The following PDE4A variants were observed in gnomAD, a reference collection of about 807,000 sequenced individuals.
PDE4A encodes the protein 3',5'-cyclic-AMP phosphodiesterase 4A.
A neutral mutation model predicts 73.9 loss-of-function variants in PDE4A; 21 were observed. The ratio of observed to expected loss-of-function variants is 0.28; its 90% CI spans 0.20 to 0.41. PDE4A has a LOEUF of 0.41. Among genes scored for constraint, PDE4A ranks in the 10% least tolerant of loss-of-function variants. The pLI is 1.00. For missense variants in PDE4A, 958 were observed against 1,211.4 expected (o/e 0.79, Z 3.10); for synonymous variants, 463 against 505.4 (o/e 0.92, Z 1.13).
intron 1 of PDE4A, among the ~76,000 whole-genome samples, chr19:10,431,655 G>A (rs886167094): frequency 2.6e-5 from 4 of 152,212 alleles, no homozygotes; most frequent in African/African-American, 9.6e-5. Flanking sequence ...CTGGCCCTGG[G>A]GGCTTCTCCG....
At chr19:10,452,219 C>T (rs1339526575) in intron 6 of PDE4A, among the ~76,000 whole-genome samples, 1 of 151,842 alleles carries the variant, frequency 6.6e-6, no homozygotes, top group East Asian at 1.9e-4. Context: ...GCGGGCGGAT[C>T]ACCTGAGGTC....
At chr19:10,461,708 G>A (rs2043274907) in intron 12 of PDE4A, 28 bp downstream of exon 12, 1 of 1,610,958 alleles carries the variant, frequency 6.2e-7, no homozygotes, top group Non-Finnish European at 8.5e-7. Flanking sequence ...GGGACGGAGC[G>A]GGAAAGGAAG....
rs1382744797 is a variant in PDE4A at position 10,420,679 on chromosome 19, C to T, written c.-86C>T. 3 of 1,381,912 alleles carry T rather than the reference C, an allele frequency of 2.2e-6. No individual in the cohort carries two copies. Among genetic ancestry groups the T allele is most frequent in the Admixed American group, 7.6e-5 (2 of 26,192 alleles). The allele number at this position is 1,381,912 out of a possible 1,614,324, so 85.6% of individuals were successfully genotyped here. On this transcript the variant is annotated 5_prime_UTR_variant, in exon 1 of 15. Coordinates refer to ENST00000380702, the MANE Select transcript of PDE4A (RefSeq NM_001111307.2). This position sits in a 1 kb window ranked among gnomAD's most constrained non-coding sequence, Gnocchi z 6.0. Reference sequence around the variant, plus strand: ...CCGCGGCCGGGCGCACCCGCGGGGCCCTGGGCTCGCTGGCTTGCGCGCAGC... The same window carrying T: ...CCGCGGCCGGGCGCACCCGCGGGGCTCTGGGCTCGCTGGCTTGCGCGCAGC...
At chr19:10,432,334 C>T (rs1233553061) in intron 1 of PDE4A, 16 of 1,271,238 alleles carry the variant, frequency 1.3e-5, no homozygotes, top group South Asian at 2.7e-5. Flanking sequence ...GAGGCGGTGC[C>T]GGCAGTGGAG....
At chr19:10,461,191 G>C in intron 11 of PDE4A, 88 bp downstream of exon 11, 1 of 1,511,208 alleles carries the variant, frequency 6.6e-7, no homozygotes, top group South Asian at 1.2e-5. Context: ...CTGGAGGAGG[G>C]GCTGGCTGGC....
Position 10,454,846 on chromosome 19 carries a change from C to A in PDE4A, c.801C>A (p.Asn267Lys). The A allele has an allele frequency of 6.2e-7, 1 of 1,614,110 alleles. No individual in the cohort carries two copies. Among genetic ancestry groups the A allele is most frequent in the Non-Finnish European group, 8.5e-7 (1 of 1,179,982 alleles). Residue 267 changes from asparagine (N) to lysine (K), a missense_variant, in exon 7 of 15, where the codon AAC becomes AAA. Physicochemically the swap from Asn to Lys is moderately conservative, Grantham distance 94 (BLOSUM62 0). This residue lies in a region of PDE4A where 570 missense variants were observed against 827.7 expected (regional missense o/e 0.69). Coordinates refer to ENST00000380702, the MANE Select transcript of PDE4A (RefSeq NM_001111307.2). ...TACCTTAGTTCAAAAGGATGTTGAA[C>A]CGTGAGCTCACACACCTGTCAGAAA... ...MASHKFKRML[N>K]RELTHLSEMS...
chr19:10,453,176 G>C lies in PDE4A; in HGVS notation c.784-1653G>C. 8 of 1,471,674 alleles carry C rather than the reference G, an allele frequency of 5.4e-6. No individual in the cohort carries two copies. The highest frequency in any genetic ancestry group is 7.2e-6 in the Non-Finnish European group (8 of 1,107,554). The allele number at this position is 1,471,674 out of a possible 1,614,324, so 91.2% of individuals were successfully genotyped here. A position where few individuals can be genotyped will look rare whatever the true frequency, so the allele number is the denominator to read the frequency against. ...TCCCCCTTCCACTACCCACCTGCCCGGCACCCCCTCCCCAGTGGTTGTTAA... is the reference window on the plus strand; with the variant it reads ...TCCCCCTTCCACTACCCACCTGCCCCGCACCCCCTCCCCAGTGGTTGTTAA... On this transcript the variant is annotated intron_variant, in intron 6 of 14. Transcript: ENST00000380702. The surrounding 1 kb of genome is among the most constrained non-coding windows in gnomAD (Gnocchi z 4.6).
In PDE4A at chr19:10,432,186, G is replaced by T. The variant is rs933204801; in HGVS notation, c.320+11102G>T. Among the ~76,000 whole-genome samples, 3 of 142,524 alleles carry T rather than the reference G, an allele frequency of 2.1e-5. 1 individual carries two copies. The highest frequency in any genetic ancestry group is 4.8e-5 in the Non-Finnish European group (3 of 63,072). 93.5% of individuals were successfully genotyped at this position (142,524 alleles called of 152,430 possible). ...CTAGGAGGGAGGAGACGGGGGGGGGGGGGGGAAGTGTGCGTCCGACTCCGC... is the reference window on the plus strand; with the variant it reads ...CTAGGAGGGAGGAGACGGGGGGGGGTGGGGGAAGTGTGCGTCCGACTCCGC... On this transcript the variant is annotated intron_variant, in intron 1 of 14. Transcript: ENST00000380702.
chr19:10,463,669 G>C (rs1014523370), intron 13 of PDE4A, 124 bp from the exon 14 acceptor site: 2 of 1,506,180 alleles, frequency 1.3e-6, no homozygotes, highest in Non-Finnish European at 1.8e-6. Context: ...CCAAAGTACT[G>C]GAATTACAGG....
intron 7 of PDE4A, among the ~76,000 whole-genome samples, chr19:10,456,501 G>A (rs547384011): frequency 1.9e-4 from 29 of 151,930 alleles, no homozygotes; most frequent in Admixed American, 1.0e-3. Context: ...ACTCCAGCCT[G>A]GGTGACAGAG....
At position 10,449,160 on chromosome 19, in the gene PDE4A, G is replaced by A. The variant is rs200571567; in HGVS notation, c.620+10G>A. On this transcript the variant is annotated intron_variant, in intron 4 of 14. Coordinates refer to ENST00000380702, the MANE Select transcript of PDE4A (RefSeq NM_001111307.2). Reference sequence around the variant, plus strand: ...CCGTTCCCAGTAACAAGTAAGTGAAGGCTGGGCTGCAACAGCTGTGATCAT... The same window carrying A: ...CCGTTCCCAGTAACAAGTAAGTGAAAGCTGGGCTGCAACAGCTGTGATCAT... 2.3e-5 allele frequency: 37 copies of A among 1,612,722 alleles called. No homozygotes were observed. In the South Asian group the frequency reaches 3.6e-4, roughly 16 times the overall value.
At chr19:10,441,833 G>A (rs1303519333) in intron 1 of PDE4A, among the ~76,000 whole-genome samples, 2 of 151,412 alleles carry the variant, frequency 1.3e-5, no homozygotes, top group Non-Finnish European at 2.9e-5. Flanking sequence ...GGGATTACAG[G>A]CACCCACCAC....
chr19:10,452,342 C>A (rs551457722), intron 6 of PDE4A, among the ~76,000 whole-genome samples: 1 of 151,318 alleles, frequency 6.6e-6, no homozygotes, highest in South Asian at 2.1e-4. Flanking sequence ...GAGGCTGAGG[C>A]GGGAGAATTG....
upstream of PDE4A, chr19:10,419,056 C>CTTTTT (rs977830124): frequency 1.1e-4 from 87 of 817,006 alleles, no homozygotes; most frequent in Middle Eastern, 6.3e-4. Flanking sequence ...GACCGGCAGT[C>CTTTTT]TTTTTTTTTT....
At chr19:10,418,338 C>T (rs915726318), upstream of PDE4A, among the ~76,000 whole-genome samples, 2 of 152,190 alleles carry the variant, frequency 1.3e-5, no homozygotes, top group Admixed American at 1.3e-4. Context: ...TGCTGATTCT[C>T]ATCTGGGGAC....
intron 1 of PDE4A, among the ~76,000 whole-genome samples, chr19:10,435,044 A>G (rs914640169): frequency 1.3e-5 from 2 of 151,856 alleles, no homozygotes; most frequent in Non-Finnish European, 2.9e-5. Flanking sequence ...TCTTGTTATT[A>G]TAATCTTTAC....
intron 1 of PDE4A, chr19:10,422,995 T>G (rs1341945643): frequency 6.4e-6 from 3 of 468,400 alleles, no homozygotes; most frequent in Non-Finnish European, 8.4e-6. Flanking sequence ...GTGGTAATAA[T>G]CATCATTATT....
chr19:10,439,396 G>A (rs1398945286), intron 1 of PDE4A, among the ~76,000 whole-genome samples: 2 of 152,130 alleles, frequency 1.3e-5, no homozygotes, highest in African/African-American at 4.8e-5. Context: ...TGGCCAGGCT[G>A]GTCTCGAACT....
upstream of PDE4A, chr19:10,418,899 G>C (rs527324479): frequency 3.1e-6 from 3 of 983,058 alleles, no homozygotes; most frequent in African/African-American, 1.8e-5. Flanking sequence ...GTGTGTAATG[G>C]GGGGGGTGTT....
Sources: allele counts gnomAD v4.1 joint callset (sites outside exome capture counted in the v4.1 genomes callset), GRCh38; gene constraint gnomAD v4.1.1; regional missense constraint gnomAD v4.1.1; non-coding constraint Gnocchi (gnomAD v3.1); transcripts MANE v1.5; gene names NCBI Gene and HGNC (gene_info 2026-07-23, HGNC 2026-07-21).